Variants in SPMIP2 observed in about 807,000 individuals in gnomAD.
The protein encoded by SPMIP2 is protein SPMIP2.
the SPMIP2 span, among the ~76,000 whole-genome samples, chr4:159,070,223 C>T: frequency 6.6e-6 from 1 of 152,040 alleles, no homozygotes; most frequent in African/African-American, 2.4e-5. Flanking sequence ...TATTTTGTGC[C>T]ATCGAGTTGT....
the SPMIP2 span, among the ~76,000 whole-genome samples, chr4:159,018,747 A>C: frequency 6.6e-6 from 1 of 152,134 alleles, no homozygotes; most frequent in African/African-American, 2.4e-5. Flanking sequence ...CCTTGGGTTT[A>C]TAATGAAGTC....
chr4:159,017,334 A>G, the SPMIP2 span, among the ~76,000 whole-genome samples: 2 of 128,276 alleles, frequency 1.6e-5, no homozygotes, highest in Non-Finnish European at 3.2e-5. Flanking sequence ...GAACAGTAAG[A>G]CAAAACACAA....
the SPMIP2 span, among the ~76,000 whole-genome samples, chr4:159,081,195 A>G: frequency 5.3e-5 from 8 of 151,744 alleles, no homozygotes; most frequent in African/African-American, 1.7e-4. Context: ...GCACCACTGC[A>G]CCTGGCTAAT....
chr4:159,046,162 C>T, the SPMIP2 span, among the ~76,000 whole-genome samples: 1 of 150,496 alleles, frequency 6.6e-6, no homozygotes, highest in African/African-American at 2.5e-5. Context: ...CTCAGGAAGT[C>T]GAGGCTGCAA....
the SPMIP2 span, among the ~76,000 whole-genome samples, chr4:158,986,274 GA>G: frequency 2.0e-5 from 3 of 151,752 alleles, no homozygotes; most frequent in Middle Eastern, 6.8e-3. Flanking sequence ...CACAGAATTG[GA>G]AAAAACTACT....
chr4:158,996,115 A>G, the SPMIP2 span, among the ~76,000 whole-genome samples: 2 of 152,208 alleles, frequency 1.3e-5, no homozygotes, highest in East Asian at 1.9e-4. Flanking sequence ...GCAAATGCAT[A>G]GTAATATTTG....
chr4:159,081,354 A>G, the SPMIP2 span, among the ~76,000 whole-genome samples: 1 of 151,980 alleles, frequency 6.6e-6, no homozygotes, highest in Non-Finnish European at 1.5e-5. Flanking sequence ...TTTTCTTACT[A>G]AGCATATTGT....
chr4:158,997,829 T>C, the SPMIP2 span, among the ~76,000 whole-genome samples: 1 of 152,050 alleles, frequency 6.6e-6, no homozygotes, highest in African/African-American at 2.4e-5. Context: ...ATTTTTAAAA[T>C]TTTTTTGGTA....
chr4:158,982,701 A>C, the SPMIP2 span, among the ~76,000 whole-genome samples: 2 of 152,232 alleles, frequency 1.3e-5, no homozygotes, highest in Non-Finnish European at 2.9e-5. Context: ...ACTTCCCAGA[A>C]TCTCTGGGAC....
the SPMIP2 span, among the ~76,000 whole-genome samples, chr4:158,986,911 C>T: frequency 1.4e-5 from 2 of 140,314 alleles, no homozygotes; most frequent in Non-Finnish European, 3.1e-5. Context: ...CCAGAATCTA[C>T]AATGAACTCA....
At chr4:159,012,344 T>C in the SPMIP2 span, among the ~76,000 whole-genome samples, 3 of 152,222 alleles carry the variant, frequency 2.0e-5, no homozygotes, top group Non-Finnish European at 4.4e-5. Flanking sequence ...ATGAGCTACA[T>C]GATTACGTGT....
chr4:159,054,534 G>A, the SPMIP2 span, among the ~76,000 whole-genome samples: 21 of 152,008 alleles, frequency 1.4e-4, no homozygotes, highest in South Asian at 2.5e-3. Flanking sequence ...ATCACCTCTC[G>A]TGCTCACACC....
At chr4:158,895,803 G>A in the SPMIP2 span, 1 of 1,613,274 alleles carries the variant, frequency 6.2e-7, no homozygotes, top group South Asian at 1.1e-5. Context: ...AAAGTAAAAT[G>A]CTATCTGAAT....
At chr4:158,966,806 T>C in the SPMIP2 span, among the ~76,000 whole-genome samples, 1 of 152,204 alleles carries the variant, frequency 6.6e-6, no homozygotes, top group African/African-American at 2.4e-5. Context: ...TTTTCTTTCC[T>C]TTTTTCCCCT....
the SPMIP2 span, among the ~76,000 whole-genome samples, chr4:159,080,731 A>ATTTG: frequency 6.6e-6 from 1 of 150,914 alleles, no homozygotes. Flanking sequence ...GTGAAGTGTA[A>ATTTG]TTTGTTTGTT....
the SPMIP2 span, among the ~76,000 whole-genome samples, chr4:158,930,167 A>C: frequency 1.3e-5 from 2 of 148,674 alleles, no homozygotes; most frequent in Non-Finnish European, 3.0e-5. Context: ...CTGATAATTC[A>C]TGTTAATCTT....
At chr4:158,940,090 T>C in the SPMIP2 span, among the ~76,000 whole-genome samples, 60 of 152,278 alleles carry the variant, frequency 3.9e-4, no homozygotes, top group African/African-American at 1.3e-3. Context: ...TGAATTTTCT[T>C]ACAATTCTTG....
chr4:159,037,827 C>CACATATAT, the SPMIP2 span, among the ~76,000 whole-genome samples: 24 of 126,022 alleles, frequency 1.9e-4, no homozygotes, highest in Admixed American at 2.6e-4. Context: ...CACACACACA[C>CACATATAT]ATATATATAT....
the SPMIP2 span, among the ~76,000 whole-genome samples, chr4:159,068,082 C>G: frequency 1.1e-4 from 17 of 152,130 alleles, no homozygotes; most frequent in Non-Finnish European, 1.5e-5. Context: ...CTAGTTCAAC[C>G]ATTGTGGAAG....
Sources: gnomAD v4.1 joint callset for allele counts (sites outside exome capture counted in the v4.1 genomes callset) on GRCh38, gnomAD v4.1.1 for gene constraint, MANE v1.5 for transcripts, NCBI Gene and HGNC (gene_info 2026-07-23, HGNC 2026-07-21) for gene names.